Variants in POPDC3 observed in about 807,000 individuals in gnomAD.
POPDC3 encodes popeye domain-containing protein 3.
In POPDC3, 20 loss-of-function variants were observed where a neutral mutation model predicts 28.2. The ratio of observed to expected loss-of-function variants is 0.71; its 90% CI spans 0.50 to 1.03. POPDC3 has a LOEUF of 1.03. Ranked by LOEUF, POPDC3 falls within the 50% of genes least tolerant of loss-of-function variation. The probability of loss-of-function intolerance (pLI) is 0.00; values close to 1 mark genes in which losing one functional copy is unlikely to be tolerated. For synonymous variants in POPDC3, 118 were observed against 124.1 expected (o/e 0.95, Z 0.33); for missense variants, 316 against 345.9 (o/e 0.91, Z 0.69).
intron 1 of POPDC3, among the ~76,000 whole-genome samples, chr6:105,164,699 G>C (rs1250552480): frequency 1.3e-5 from 2 of 152,194 alleles, no homozygotes; most frequent in Non-Finnish European, 2.9e-5. Context: ...GTCATGTTTT[G>C]CGTAAATAAA....
At chr6:105,164,630 A>T (rs1023737362) in intron 1 of POPDC3, among the ~76,000 whole-genome samples, 14 of 152,354 alleles carry the variant, frequency 9.2e-5, no homozygotes, top group African/African-American at 2.9e-4. Context: ...GCAGCACTAT[A>T]TGAATGTCCA....
intron 1 of POPDC3, among the ~76,000 whole-genome samples, chr6:105,173,273 A>C (rs563258979): frequency 2.0e-4 from 30 of 152,368 alleles, no homozygotes; most frequent in African/African-American, 7.2e-4. Flanking sequence ...AATTCCAAAC[A>C]GAATGTTTTA....
At chr6:105,169,045 G>C (rs1774520341) in intron 1 of POPDC3, 2 of 152,198 alleles carry the variant, frequency 1.3e-5, no homozygotes, top group South Asian at 4.2e-4. Flanking sequence ...AACAGTGCCT[G>C]GACTCCTGAT....
intron 1 of POPDC3, among the ~76,000 whole-genome samples, chr6:105,165,042 A>T (rs901441941): frequency 6.6e-6 from 1 of 152,216 alleles, no homozygotes; most frequent in Non-Finnish European, 1.5e-5. Context: ...CTAAATCATC[A>T]TGTCCAGCTT....
intron 1 of POPDC3, among the ~76,000 whole-genome samples, chr6:105,165,222 G>T (rs957732562): frequency 7.2e-5 from 11 of 152,196 alleles, no homozygotes; most frequent in Non-Finnish European, 1.2e-4. Flanking sequence ...ACCCAAGTGG[G>T]ATATTCTTCC....
intron 1 of POPDC3, among the ~76,000 whole-genome samples, chr6:105,163,410 A>G (rs1317125396): frequency 6.6e-6 from 1 of 152,220 alleles, no homozygotes; most frequent in Non-Finnish European, 1.5e-5. Context: ...GGATATATGT[A>G]TCATTTGCCA....
intron 1 of POPDC3, among the ~76,000 whole-genome samples, chr6:105,170,367 C>T (rs75615993): frequency 6.6e-6 from 1 of 152,140 alleles, no homozygotes; most frequent in African/African-American, 2.4e-5. Context: ...CTTTCCTTTA[C>T]TCTAAGTGAC....
At chr6:105,166,502 C>G (rs1480287790) in intron 1 of POPDC3, 1 of 463,470 alleles carries the variant, frequency 2.2e-6, no homozygotes, top group Admixed American at 2.4e-5. Context: ...CCAGAACATT[C>G]CACAGAATAA....
chr6:105,166,321 G>A (rs9500045), intron 1 of POPDC3, among the ~76,000 whole-genome samples: 3,281 of 152,226 alleles, frequency 0.022, 115 homozygotes, highest in African/African-American at 0.075. Context: ...GTTTGACTGG[G>A]GCCCAGCTCC....
In POPDC3 at chr6:105,178,047, T is replaced by C. The variant is rs149730724; in HGVS notation, c.-252+1786A>G. ...TCTTCCTTTAAAACAATCGAATCGG[T>C]GATTCGATATACTCTTCTATTAATT... is the stretch of plus-strand genomic sequence containing the variant. On this transcript the variant is annotated intron_variant, in intron 1 of 3. Coordinates refer to ENST00000254765, the MANE Select transcript of POPDC3 (RefSeq NM_022361.5). Among the ~76,000 whole-genome samples, 4 of 152,354 alleles carry C rather than the reference T, an allele frequency of 2.6e-5. No individual in the cohort carries two copies. In the East Asian group the frequency reaches 7.7e-4, roughly 29 times the overall value.
At chr6:105,179,170 T>C (rs1473334950) in intron 1 of POPDC3, 1 of 985,282 alleles carries the variant, frequency 1.0e-6, no homozygotes, top group Non-Finnish European at 1.2e-6. Context: ...GTAACCGACA[T>C]GGTGATAAGA....
At chr6:105,166,363 G>A (rs1165310238) in intron 1 of POPDC3, among the ~76,000 whole-genome samples, 1 of 151,616 alleles carries the variant, frequency 6.6e-6, no homozygotes, top group Non-Finnish European at 1.5e-5. Context: ...CTGTTTTGTC[G>A]CCGGGGCACT....
chr6:105,168,767 G>A (rs1273703307), intron 1 of POPDC3: 1 of 152,206 alleles, frequency 6.6e-6, no homozygotes, highest in Non-Finnish European at 1.5e-5. Context: ...GAGAGAGATT[G>A]GATGTCAGAG....
chr6:105,173,331 A>G (rs1774618142), intron 1 of POPDC3, among the ~76,000 whole-genome samples: 1 of 152,210 alleles, frequency 6.6e-6, no homozygotes, highest in Non-Finnish European at 1.5e-5. Flanking sequence ...AATTTTCTTT[A>G]TAACATAGAG....
intron 2 of POPDC3, among the ~76,000 whole-genome samples, chr6:105,160,828 T>C (rs947112622): frequency 6.6e-6 from 1 of 151,954 alleles, no homozygotes; most frequent in Non-Finnish European, 1.5e-5. Context: ...CTTGAACTGC[T>C]GACCTCAGGT....
intron 3 of POPDC3, 137 bp downstream of exon 3, chr6:105,159,574 T>C (rs919170317): frequency 1.8e-6 from 1 of 567,918 alleles, no homozygotes; most frequent in Non-Finnish European, 3.2e-6. Context: ...ATTGGGAAAG[T>C]CATGTATGCT....
intron 1 of POPDC3, among the ~76,000 whole-genome samples, chr6:105,174,199 G>A (rs1056709185): frequency 5.3e-5 from 8 of 152,226 alleles, no homozygotes; most frequent in East Asian, 3.9e-4. Context: ...TACCACACCC[G>A]GCTAATTTTT....
intron 1 of POPDC3, chr6:105,166,576 C>G (rs951187533): frequency 2.1e-6 from 1 of 471,320 alleles, no homozygotes; most frequent in Admixed American, 2.3e-5. Context: ...TTCATGTGTT[C>G]TCACTTCCAT....
chr6:105,170,904 A>C (rs1247203987), intron 1 of POPDC3, among the ~76,000 whole-genome samples: 9 of 152,202 alleles, frequency 5.9e-5, no homozygotes, highest in Non-Finnish European at 1.3e-4. Context: ...AAGGCCAAAA[A>C]CTTGCTAGGG....
Sources: gnomAD v4.1 joint callset for allele counts (sites outside exome capture counted in the v4.1 genomes callset) on GRCh38, gnomAD v4.1.1 for gene constraint, MANE v1.5 for transcripts, NCBI Gene and HGNC (gene_info 2026-07-23, HGNC 2026-07-21) for gene names.